The following SYN3 variants were observed in gnomAD, a reference collection of about 807,000 sequenced individuals.
SYN3 encodes synapsin-3.
In SYN3, 35 loss-of-function variants were observed where a neutral mutation model predicts 65.8. That is an observed-to-expected ratio of 0.53 (90% CI 0.41 to 0.70). The LOEUF (loss-of-function observed/expected upper bound fraction) is 0.70. Ranked by LOEUF, SYN3 falls within the 30% of genes least tolerant of loss-of-function variation. The probability of loss-of-function intolerance (pLI) is 0.00; values close to 1 mark genes in which losing one functional copy is unlikely to be tolerated. For missense variants in SYN3, 680 were observed against 749.0 expected, an observed-to-expected ratio of 0.91 and a Z score of 1.08; for synonymous variants, 270 against 292.9, an observed-to-expected ratio of 0.92 and a Z score of 0.80.
At chr22:32,556,141 G>A (rs939624221) in intron 7 of SYN3, among the ~76,000 whole-genome samples, 2 of 152,180 alleles carry the variant, frequency 1.3e-5, no homozygotes, top group African/African-American at 4.8e-5. Context: ...GTACTAAGCA[G>A]ATTCACGTAT....
chr22:32,949,737 T>C (rs960735759), intron 3 of SYN3, among the ~76,000 whole-genome samples: 1 of 152,322 alleles, frequency 6.6e-6, no homozygotes, highest in South Asian at 2.1e-4. Flanking sequence ...ATAATCATGT[T>C]GATGACAGAA....
intron 12 of SYN3, among the ~76,000 whole-genome samples, chr22:32,527,459 G>T (rs2057997185): frequency 6.6e-6 from 1 of 152,082 alleles, no homozygotes; most frequent in Non-Finnish European, 1.5e-5. Flanking sequence ...AATTAGCTGG[G>T]CGTGGCGGTG....
chr22:33,027,865 G>A (rs133970), intron 1 of SYN3, among the ~76,000 whole-genome samples: 99,587 of 152,100 alleles, frequency 0.65, 33,182 homozygotes, highest in African/African-American at 0.72. Context: ...TCAGTGAAGA[G>A]ACAAAGAGCT....
intron 1 of SYN3, among the ~76,000 whole-genome samples, chr22:33,053,832 G>A (rs533596015): frequency 1.3e-5 from 2 of 152,174 alleles, no homozygotes; most frequent in Non-Finnish European, 2.9e-5. Context: ...AACTCCATGA[G>A]ATTAGAGCCA....
Position 32,569,095 on chromosome 22 carries a change from C to A in SYN3, c.775-27382G>T, listed in dbSNP as rs77694360. ...ATTCACATCCTAGCTTAGGGACTTA[C>A]AAATGCCATGATTTGGAATGAGTTC... On this transcript the variant is annotated intron_variant, in intron 7 of 13. Coordinates refer to ENST00000358763, the MANE Select transcript of SYN3 (RefSeq NM_003490.4). Among the ~76,000 whole-genome samples, 1,225 of 152,272 alleles carry A rather than the reference C, an allele frequency of 8.0e-3. 19 individuals carry two copies. Among genetic ancestry groups the A allele is most frequent in the African/African-American group, 0.029 (1,198 of 41,540 alleles).
intron 7 of SYN3, among the ~76,000 whole-genome samples, chr22:32,548,221 C>T (rs2058361710): frequency 6.6e-6 from 1 of 152,200 alleles, no homozygotes; most frequent in African/African-American, 2.4e-5. Flanking sequence ...AGGGCCTTTG[C>T]ACTTGCTGTT....
intron 6 of SYN3, among the ~76,000 whole-genome samples, chr22:32,676,528 C>CTTTTTTTTTT (rs879196572): frequency 1.5e-3 from 136 of 88,912 alleles, no homozygotes; most frequent in Non-Finnish European, 1.8e-3. Context: ...TCTTTTCTTT[C>CTTTTTTTTTT]TTTTTTTTTT....
At chr22:32,876,326 C>T (rs1256783220) in intron 4 of SYN3, among the ~76,000 whole-genome samples, 4 of 152,102 alleles carry the variant, frequency 2.6e-5, no homozygotes, top group South Asian at 2.1e-4. Flanking sequence ...TCGCATTGGG[C>T]GTTAGGATTC....
chr22:32,637,857 T>A (rs1211133342), intron 6 of SYN3, among the ~76,000 whole-genome samples: 1 of 152,104 alleles, frequency 6.6e-6, no homozygotes, highest in Non-Finnish European at 1.5e-5. Flanking sequence ...GAGGCTGGTC[T>A]CGAACTCCCA....
intron 7 of SYN3, among the ~76,000 whole-genome samples, chr22:32,547,508 C>T (rs558761576): frequency 8.7e-4 from 132 of 152,082 alleles, no homozygotes; most frequent in African/African-American, 3.1e-3. Flanking sequence ...CCTCCTTCCC[C>T]TCATGGTCTC....
chr22:32,931,523 A>C (rs1209308594), intron 3 of SYN3, 42 bp from the exon 4 acceptor site: 1 of 1,383,984 alleles, frequency 7.2e-7, no homozygotes, highest in South Asian at 1.2e-5. Flanking sequence ...ATCAAATACC[A>C]ACGGTGGTAA....
At chr22:32,989,110 TC>T (rs1464506016) in intron 2 of SYN3, among the ~76,000 whole-genome samples, 2 of 152,164 alleles carry the variant, frequency 1.3e-5, no homozygotes, top group Non-Finnish European at 2.9e-5. Context: ...GAATTTGATC[TC>T]CCCAGGTAAG....
At chr22:32,648,996 T>C (rs1195515598) in intron 6 of SYN3, among the ~76,000 whole-genome samples, 1 of 152,252 alleles carries the variant, frequency 6.6e-6, no homozygotes, top group East Asian at 1.9e-4. Context: ...AAGTATCTCC[T>C]GACCACCTAT....
Position 32,801,092 on chromosome 22 carries a change from C to A in SYN3, c.711+63823G>T, listed in dbSNP as rs1044761773. Reference sequence around the variant, plus strand: ...CAGAACCCCGTTTGCTCTGGGAGAGCACAGAAAACAGTCTTCTATCATATA... The same window carrying A: ...CAGAACCCCGTTTGCTCTGGGAGAGAACAGAAAACAGTCTTCTATCATATA... On this transcript the variant is annotated intron_variant, in intron 6 of 13. Coordinates refer to ENST00000358763, the MANE Select transcript of SYN3 (RefSeq NM_003490.4). This position sits in a 1 kb window ranked among gnomAD's most constrained non-coding sequence, Gnocchi z 4.7. Among the ~76,000 whole-genome samples the A allele has an allele frequency of 1.3e-5, 2 of 152,174 alleles. No homozygotes were observed. The highest frequency in any genetic ancestry group is 6.5e-5 in the Admixed American group (1 of 15,282).
chr22:32,577,764 C>T (rs1295352047), intron 7 of SYN3, among the ~76,000 whole-genome samples: 1 of 152,210 alleles, frequency 6.6e-6, no homozygotes, highest in Non-Finnish European at 1.5e-5. Flanking sequence ...CCTCCCTGTT[C>T]CTGCCCCAGG....
intron 4 of SYN3, among the ~76,000 whole-genome samples, chr22:32,928,387 G>A (rs1248636018): frequency 1.3e-5 from 2 of 152,012 alleles, no homozygotes; most frequent in Non-Finnish European, 2.9e-5. Context: ...AAACATCATC[G>A]CTTAGCCTAG....
chr22:32,758,006 T>C (rs1333639373), intron 6 of SYN3, among the ~76,000 whole-genome samples: 1 of 152,224 alleles, frequency 6.6e-6, no homozygotes, highest in Non-Finnish European at 1.5e-5. Context: ...GTCATGAGTA[T>C]TTCCTCCTTC....
chr22:32,743,397 G>A (rs1475349917), intron 6 of SYN3, among the ~76,000 whole-genome samples: 1 of 152,182 alleles, frequency 6.6e-6, no homozygotes, highest in Non-Finnish European at 1.5e-5. Flanking sequence ...GAGCCAGCTA[G>A]TGGCCTAGAA....
chr22:32,670,255 A>G (rs1416341045), intron 6 of SYN3, among the ~76,000 whole-genome samples: 3 of 152,224 alleles, frequency 2.0e-5, no homozygotes, highest in Non-Finnish European at 2.9e-5. Flanking sequence ...AACTAGATAT[A>G]TCTCCCTCAC....
Sources: allele counts gnomAD v4.1 joint callset (sites outside exome capture counted in the v4.1 genomes callset), GRCh38; gene constraint gnomAD v4.1.1; non-coding constraint Gnocchi (gnomAD v3.1); transcripts MANE v1.5; gene names NCBI Gene and HGNC (gene_info 2026-07-23, HGNC 2026-07-21).